The following PLEKHM2 variants were observed in gnomAD, a reference collection of about 807,000 sequenced individuals.
The protein encoded by PLEKHM2 is pleckstrin homology and RUN domain containing M2, also known as pleckstrin homology domain-containing family M member 2.
In PLEKHM2, 77 loss-of-function variants were observed where a neutral mutation model predicts 116.3. That is an observed-to-expected ratio of 0.66 (90% confidence interval 0.55 to 0.80). The LOEUF (loss-of-function observed/expected upper bound fraction) is 0.80. PLEKHM2 is among the 30% of genes least tolerant of loss of function. PLEKHM2 has a pLI of 0.00. For synonymous variants in PLEKHM2, 562 were observed against 571.0 expected (o/e 0.98, Z 0.22); for missense variants, 1,183 against 1,354.9 (o/e 0.87, Z 1.99).
At chr1:15,682,623 ACAAACAAAACAAAAC>A (rs1442361891), upstream of PLEKHM2, among the ~76,000 whole-genome samples, 34 of 147,878 alleles carry the variant, frequency 2.3e-4, no homozygotes, top group African/African-American at 7.9e-4. Flanking sequence ...TGTCTCAAAA[ACAAACAAAACAAAAC>A]AAAACAAAAA....
At position 15,728,554 on chromosome 1, in the gene PLEKHM2, C is replaced by A; in HGVS notation, c.1922-115C>A. 2 of 1,066,308 alleles carry A rather than the reference C, an allele frequency of 1.9e-6. No homozygotes were observed. Among genetic ancestry groups the A allele is most frequent in the Non-Finnish European group, 2.8e-6 (2 of 713,144 alleles). 66.1% of individuals were successfully genotyped at this position (1,066,308 alleles called of 1,614,324 possible). On this transcript the variant is annotated intron_variant, in intron 11 of 19. Coordinates refer to ENST00000375799, the MANE Select transcript of PLEKHM2 (RefSeq NM_015164.4). This position sits in a 1 kb window ranked among gnomAD's most constrained non-coding sequence, Gnocchi z 5.9. ...TCTGTGAGCACTCCACGCCATTCTC[C>A]TACTGCAGGGCAAGGAGAGGCCCTC...
At chr1:15,711,570 CTG>C (rs1225721067) in intron 1 of PLEKHM2, among the ~76,000 whole-genome samples, 2 of 150,900 alleles carry the variant, frequency 1.3e-5, no homozygotes, top group East Asian at 2.0e-4. Flanking sequence ...TGAGCCGAGA[CTG>C]TGCCAGTGCA....
Position 15,721,330 on chromosome 1 carries a change from T to G in PLEKHM2, c.654T>G (p.Asp218Glu). 2 of 1,561,704 alleles carry G rather than the reference T, an allele frequency of 1.3e-6. No homozygotes were observed. Among genetic ancestry groups the G allele is most frequent in the Non-Finnish European group, 8.7e-7 (1 of 1,150,696 alleles). Residue 218 changes from aspartate (D) to glutamate (E), a missense_variant and splice_region_variant, in exon 7 of 20, where the codon GAT becomes GAG. Transcript: ENST00000375799. The surrounding 1 kb of genome is among the most constrained non-coding windows in gnomAD (Gnocchi z 5.1). ...DDSAIAPSSE[D>E]YDFGDVFPAV... is the part of the protein sequence containing the mutation. ...CAGTTTTGTCCCTCGTTTTTGTAGA[T>G]TATGATTTTGGAGATGTGTTTCCAG...
At chr1:15,724,795 C>T (rs985438128) in intron 7 of PLEKHM2, among the ~76,000 whole-genome samples, 1 of 152,192 alleles carries the variant, frequency 6.6e-6, no homozygotes, top group African/African-American at 2.4e-5. Context: ...ATTCTTCTCC[C>T]TTTGTGTTCC....
intron 1 of PLEKHM2, among the ~76,000 whole-genome samples, chr1:15,700,599 T>A (rs963153308): frequency 1.3e-5 from 2 of 152,176 alleles, no homozygotes; most frequent in African/African-American, 4.8e-5. Flanking sequence ...TAACTCCAAC[T>A]CCCTTCACAC....
At chr1:15,693,325 G>A (rs1047406548) in intron 1 of PLEKHM2, among the ~76,000 whole-genome samples, 4 of 152,252 alleles carry the variant, frequency 2.6e-5, no homozygotes, top group Non-Finnish European at 4.4e-5. Context: ...ACAGGCATGA[G>A]CCATCTCACC....
chr1:15,725,555 G>C lies in PLEKHM2; in HGVS notation c.941+10G>C. 1.3e-6 allele frequency: 2 copies of C among 1,547,736 alleles called. No homozygotes were observed. The highest frequency in any genetic ancestry group is 8.7e-7 in the Non-Finnish European group (1 of 1,143,816). Reference sequence around the variant, plus strand: ...AGCTCGAGGTCATCAGGTCAGCAGGGAGGGGCCCAGAAAGGAGCTGAGGTC... The same window carrying C: ...AGCTCGAGGTCATCAGGTCAGCAGGCAGGGGCCCAGAAAGGAGCTGAGGTC... On this transcript the variant is annotated intron_variant, in intron 8 of 19. Coordinates refer to ENST00000375799, the MANE Select transcript of PLEKHM2 (RefSeq NM_015164.4).
intron 7 of PLEKHM2, among the ~76,000 whole-genome samples, chr1:15,724,048 G>A (rs1055888762): frequency 1.2e-4 from 19 of 152,164 alleles, no homozygotes; most frequent in Admixed American, 4.6e-4. Flanking sequence ...TGCTTCACCT[G>A]CCCGTGCTCC....
intron 7 of PLEKHM2, among the ~76,000 whole-genome samples, chr1:15,724,958 C>G (rs2068042827): frequency 6.6e-6 from 1 of 152,144 alleles, no homozygotes; most frequent in Non-Finnish European, 1.5e-5. Flanking sequence ...TGGCTCCTCT[C>G]TAGGGCTCCC....
upstream of PLEKHM2, chr1:15,683,235 G>C (rs570011863): frequency 6.5e-6 from 1 of 152,840 alleles, no homozygotes; most frequent in African/African-American, 2.4e-5. Flanking sequence ...TAGGGCTGGG[G>C]ACTGGAGTCT....
intron 7 of PLEKHM2, 30 bp from the exon 8 acceptor site, chr1:15,725,287 A>G (rs1247816169): frequency 1.1e-5 from 16 of 1,505,096 alleles, no homozygotes; most frequent in Non-Finnish European, 1.4e-5. Flanking sequence ...GGTGCCTGAC[A>G]GGGTGTCTCC....
chr1:15,730,826 C>G, intron 15 of PLEKHM2, 104 bp downstream of exon 15: 1 of 920,964 alleles, frequency 1.1e-6, no homozygotes, highest in Non-Finnish European at 1.6e-6. Flanking sequence ...GAGGGAGCAG[C>G]CTGAGGAGAG....
intron 14 of PLEKHM2, 112 bp from the exon 15 acceptor site, chr1:15,730,420 C>T (rs961429144): frequency 5.4e-5 from 45 of 827,422 alleles, no homozygotes; most frequent in Middle Eastern, 3.7e-4. Context: ...CCAGCCTGGG[C>T]GACAGAGCGA....
intron 1 of PLEKHM2, among the ~76,000 whole-genome samples, chr1:15,685,130 T>C (rs1640741988): frequency 6.6e-6 from 1 of 152,240 alleles, no homozygotes; most frequent in South Asian, 2.1e-4. Context: ...TCAAGGATGG[T>C]AGCTTTGAAG....
rs184651822 is a variant in PLEKHM2 at position 15,726,924 on chromosome 1, A to G, written c.942-90A>G. On this transcript the variant is annotated intron_variant, in intron 8 of 19. Transcript: ENST00000375799. Reference sequence around the variant, plus strand: ...CACTAGCTGTGCCCTCAGAGGCTACATGGCCAGCATTGCCACCGTGACCCA... The same window carrying G: ...CACTAGCTGTGCCCTCAGAGGCTACGTGGCCAGCATTGCCACCGTGACCCA... 1,243 of 813,156 alleles carry G rather than the reference A, an allele frequency of 1.5e-3. 34 individuals are homozygous for G. The South Asian group carries it at 0.025, about 16-fold the overall frequency. 50.4% of individuals were successfully genotyped at this position (813,156 alleles called of 1,614,324 possible).
chr1:15,725,917 T>G (rs1340313761), intron 8 of PLEKHM2: 1 of 252,180 alleles, frequency 4.0e-6, no homozygotes, highest in African/African-American at 2.2e-5. Flanking sequence ...TAGGGTCCCT[T>G]TTATGAGGGT....
chr1:15,724,379 A>C (rs1449403919), intron 7 of PLEKHM2, among the ~76,000 whole-genome samples: 1 of 151,768 alleles, frequency 6.6e-6, no homozygotes, highest in East Asian at 1.9e-4. Context: ...GCTACTCGGG[A>C]GGCTAAGGCA....
chr1:15,717,696 T>G (rs984282319), intron 3 of PLEKHM2, among the ~76,000 whole-genome samples, 197 bp from the exon 4 acceptor site: 2 of 152,202 alleles, frequency 1.3e-5, no homozygotes, highest in Non-Finnish European at 2.9e-5. Flanking sequence ...TTTATCAGAA[T>G]TTCCTGGCCA....
At chr1:15,688,242 G>T (rs1640812545) in intron 1 of PLEKHM2, among the ~76,000 whole-genome samples, 1 of 152,210 alleles carries the variant, frequency 6.6e-6, no homozygotes, top group African/African-American at 2.4e-5. Context: ...CACCAGACAG[G>T]TGAAACAGCT....
Sources: gnomAD v4.1 joint callset for allele counts (sites outside exome capture counted in the v4.1 genomes callset) on GRCh38, gnomAD v4.1.1 for gene constraint, Gnocchi (gnomAD v3.1) non-coding constraint, MANE v1.5 for transcripts, NCBI Gene and HGNC (gene_info 2026-07-23, HGNC 2026-07-21) for gene names.